Variants in KIF13B observed in about 807,000 individuals in gnomAD.
The protein encoded by KIF13B is kinesin family member 13B, also known as kinesin-like protein KIF13B.
A neutral mutation model predicts 222.0 loss-of-function variants in KIF13B; 127 were observed. The observed-to-expected ratio is 0.57, with a 90% confidence interval of 0.50 to 0.66. The LOEUF (loss-of-function observed/expected upper bound fraction) is 0.66. Ranked by LOEUF, KIF13B falls within the 30% of genes least tolerant of loss-of-function variation. KIF13B has a pLI of 0.00. For missense variants in KIF13B, 2,173 were observed against 2,379.0 expected, an observed-to-expected ratio of 0.91 and a Z score of 1.80; for synonymous variants, 976 against 919.0, an observed-to-expected ratio of 1.06 and a Z score of -1.12.
chr8:29,247,833 CAAA>C (rs57720312), intron 1 of KIF13B, among the ~76,000 whole-genome samples: 5,790 of 54,052 alleles, frequency 0.11, 99 homozygotes, highest in Admixed American at 0.13. Flanking sequence ...GACCCTGTCT[CAAA>C]AAAAAAAAAA....
At chr8:29,122,939 A>G (rs530028801) in intron 28 of KIF13B, among the ~76,000 whole-genome samples, 2 of 152,332 alleles carry the variant, frequency 1.3e-5, no homozygotes, top group South Asian at 2.1e-4. Context: ...TCCTCTGGCT[A>G]AATTTACTAT....
chr8:29,123,573 C>T, intron 27 of KIF13B, 81 bp from the exon 28 acceptor site: 1 of 1,556,860 alleles, frequency 6.4e-7, no homozygotes, highest in Non-Finnish European at 8.8e-7. Context: ...ACTGGATTTG[C>T]CTATATTTCA....
intron 2 of KIF13B, among the ~76,000 whole-genome samples, chr8:29,232,604 G>C (rs1376759825): frequency 6.6e-6 from 1 of 151,842 alleles, no homozygotes; most frequent in Non-Finnish European, 1.5e-5. Flanking sequence ...AAATTTTACA[G>C]TTTTCTTTTT....
chr8:29,166,565 G>A (rs992504463), intron 11 of KIF13B, among the ~76,000 whole-genome samples: 6 of 152,220 alleles, frequency 3.9e-5, no homozygotes, highest in Admixed American at 2.0e-4. Context: ...TTAGCTGGGC[G>A]TGGTGGCGTG....
intron 2 of KIF13B, among the ~76,000 whole-genome samples, chr8:29,214,301 A>C (rs1420924230): frequency 6.6e-6 from 1 of 152,266 alleles, no homozygotes; most frequent in East Asian, 1.9e-4. Flanking sequence ...AGGTTAAAAC[A>C]CAAACACTAT....
intron 3 of KIF13B, among the ~76,000 whole-genome samples, chr8:29,194,374 A>G (rs1326538683): frequency 1.3e-5 from 2 of 150,292 alleles, no homozygotes; most frequent in African/African-American, 4.9e-5. Context: ...TCGAGAGGCT[A>G]TTCCCAAAGT....
chr8:29,193,956 T>C (rs918452518), intron 3 of KIF13B, among the ~76,000 whole-genome samples: 2 of 150,748 alleles, frequency 1.3e-5, no homozygotes, highest in Non-Finnish European at 2.9e-5. Flanking sequence ...TAGCTGGGAC[T>C]ACAGGCGCCC....
chr8:29,243,308 C>T (rs1815864633), intron 2 of KIF13B, among the ~76,000 whole-genome samples: 1 of 148,914 alleles, frequency 6.7e-6, no homozygotes, highest in East Asian at 2.0e-4. Context: ...AGATCGCCAC[C>T]ATTTCACTTC....
intron 30 of KIF13B, among the ~76,000 whole-genome samples, chr8:29,118,214 G>C (rs1034830768): frequency 6.6e-6 from 1 of 151,308 alleles, no homozygotes; most frequent in African/African-American, 2.4e-5. Flanking sequence ...ATCCCAGCCA[G>C]GCACAGTGGC....
chr8:29,187,208 A>C (rs753000248), intron 5 of KIF13B, among the ~76,000 whole-genome samples: 1 of 152,146 alleles, frequency 6.6e-6, no homozygotes, highest in Non-Finnish European at 1.5e-5. Flanking sequence ...TGTGGAAACT[A>C]AAGAATAATC....
chr8:29,202,411 G>A (rs1017248651), intron 2 of KIF13B, among the ~76,000 whole-genome samples: 1 of 152,144 alleles, frequency 6.6e-6, no homozygotes, highest in Non-Finnish European at 1.5e-5. Context: ...TCTGCCTTCT[G>A]GGTTCAAGCG....
chr8:29,229,424 A>C lies in KIF13B; in HGVS notation c.149+15922T>G, dbSNP rs551653496. Reference sequence around the variant, plus strand: ...TCTCATTTCCCTTCTGAAAATGTTGAGATAACAATGTGATGCCTATATCGT... The same window carrying C: ...TCTCATTTCCCTTCTGAAAATGTTGCGATAACAATGTGATGCCTATATCGT... On this transcript the variant is annotated intron_variant, in intron 2 of 39. Transcript: ENST00000524189. Among the ~76,000 whole-genome samples, 18 of 152,290 alleles carry C rather than the reference A, an allele frequency of 1.2e-4. No homozygotes were observed. In the South Asian group the frequency reaches 2.3e-3, roughly 19 times the overall value.
Position 29,070,836 on chromosome 8 carries a change from T to G in KIF13B, c.5219-70A>C. The G allele has an allele frequency of 6.6e-7, 1 of 1,514,080 alleles. No homozygotes were observed. Among genetic ancestry groups the G allele is most frequent in the South Asian group, 1.2e-5 (1 of 82,826 alleles). 93.8% of individuals were successfully genotyped at this position (1,514,080 alleles called of 1,614,324 possible). A position where few individuals can be genotyped will look rare whatever the true frequency, so the allele number is the denominator to read the frequency against. On this transcript the variant is annotated intron_variant, in intron 39 of 39. Transcript: ENST00000524189. This position sits in a 1 kb window ranked among gnomAD's most constrained non-coding sequence, Gnocchi z 4.1. ...GACGGCCCCCTGCACCTCCCTTACC[T>G]CTGCAGAGGCCATGTGCCCACACTG...
chr8:29,220,320 G>A (rs546466479), intron 2 of KIF13B, among the ~76,000 whole-genome samples: 11 of 152,220 alleles, frequency 7.2e-5, no homozygotes, highest in African/African-American at 2.2e-4. Context: ...GGTACTCTAC[G>A]GGGCTGTAAA....
At chr8:29,161,949 TG>T (rs1563751956) in intron 12 of KIF13B, among the ~76,000 whole-genome samples, 1 of 152,184 alleles carries the variant, frequency 6.6e-6, no homozygotes, top group Non-Finnish European at 1.5e-5. Flanking sequence ...AACATCAGTG[TG>T]GTGAATTTAT....
chr8:29,072,615 A>T (rs1026214166), intron 38 of KIF13B, among the ~76,000 whole-genome samples: 1 of 152,138 alleles, frequency 6.6e-6, no homozygotes, highest in Non-Finnish European at 1.5e-5. Flanking sequence ...CTGGCTTCCA[A>T]AGTGATAAAG....
intron 2 of KIF13B, among the ~76,000 whole-genome samples, chr8:29,196,648 T>G (rs1462359171): frequency 6.6e-6 from 1 of 152,224 alleles, no homozygotes; most frequent in Non-Finnish European, 1.5e-5. Flanking sequence ...TGAATTCTAT[T>G]CTGGCTAAGG....
chr8:29,196,955 T>C (rs1813449848), intron 2 of KIF13B, among the ~76,000 whole-genome samples: 1 of 152,132 alleles, frequency 6.6e-6, no homozygotes, highest in Admixed American at 6.5e-5. Flanking sequence ...TCACTACTTA[T>C]TCCTCTCCGC....
intron 2 of KIF13B, among the ~76,000 whole-genome samples, chr8:29,242,060 C>T (rs1409060472): frequency 6.6e-6 from 1 of 152,208 alleles, no homozygotes; most frequent in Non-Finnish European, 1.5e-5. Flanking sequence ...GAAAATGCAC[C>T]TTAATCCCTT....
Sources: allele counts gnomAD v4.1 joint callset (sites outside exome capture counted in the v4.1 genomes callset), GRCh38; gene constraint gnomAD v4.1.1; non-coding constraint Gnocchi (gnomAD v3.1); transcripts MANE v1.5; gene names NCBI Gene and HGNC (gene_info 2026-07-23, HGNC 2026-07-21).